Variants in LYRM4 observed in about 807,000 individuals in gnomAD.
The protein encoded by LYRM4 is LYR motif containing 4.
LYRM4 carries 9 observed loss-of-function variants against 11.7 expected under a neutral mutation model. The ratio of observed to expected loss-of-function variants is 0.77; its 90% CI spans 0.46 to 1.34. The LOEUF is 1.34. Among genes scored for constraint, LYRM4 ranks in the 40% most tolerant of loss-of-function variants. The pLI is 0.00. For missense variants in LYRM4, 133 were observed against 112.5 expected, an observed-to-expected ratio of 1.18 and a Z score of -0.82; for synonymous variants, 42 against 40.4, an observed-to-expected ratio of 1.04 and a Z score of -0.15.
At chr6:5,139,336 G>T (rs1419098424) in intron 2 of LYRM4, among the ~76,000 whole-genome samples, 1 of 152,172 alleles carries the variant, frequency 6.6e-6, no homozygotes, top group Non-Finnish European at 1.5e-5. Context: ...CAACGAAGGC[G>T]CAGGCTTCAT....
At chr6:5,154,786 T>A (rs541734098) in intron 2 of LYRM4, among the ~76,000 whole-genome samples, 2 of 151,666 alleles carry the variant, frequency 1.3e-5, no homozygotes, top group African/African-American at 4.8e-5. Context: ...GCCACTGCAC[T>A]CCAGCCTGGG....
chr6:5,186,587 A>G (rs1760406973), intron 2 of LYRM4: 1 of 977,948 alleles, frequency 1.0e-6, no homozygotes, highest in Admixed American at 6.1e-5. Flanking sequence ...AAAATCTACA[A>G]AAGCACCAGA....
At chr6:5,062,541 C>A in the LYRM4 span, among the ~76,000 whole-genome samples, 34 of 152,156 alleles carry the variant, frequency 2.2e-4, 1 homozygote, top group South Asian at 8.3e-4. Flanking sequence ...TTAATTCACC[C>A]TTCCCTTTTA....
chr6:5,050,210 T>G, the LYRM4 span, among the ~76,000 whole-genome samples: 3 of 152,220 alleles, frequency 2.0e-5, no homozygotes, highest in African/African-American at 7.2e-5. Flanking sequence ...GGTGGTAAAT[T>G]GTGGTTGATT....
intron 1 of LYRM4, among the ~76,000 whole-genome samples, chr6:5,252,623 A>G (rs1399563747): frequency 6.6e-6 from 1 of 152,124 alleles, no homozygotes; most frequent in Non-Finnish European, 1.5e-5. Flanking sequence ...TTCACTAGAG[A>G]TGCTAGAATA....
the LYRM4 span, chr6:5,066,076 G>C: frequency 2.4e-6 from 1 of 412,502 alleles, no homozygotes; most frequent in Non-Finnish European, 4.6e-6. Flanking sequence ...ATTTCCATGA[G>C]GAGTCATTCG....
downstream of LYRM4, among the ~76,000 whole-genome samples, chr6:5,099,901 G>A (rs1207105672): frequency 6.6e-6 from 1 of 152,198 alleles, no homozygotes; most frequent in Non-Finnish European, 1.5e-5. This position sits in a 1 kb window ranked among gnomAD's most constrained non-coding sequence, Gnocchi z 4.3. Flanking sequence ...ACACAGAGAA[G>A]ACAGCGTATC....
At chr6:5,085,756 C>T in the LYRM4 span, 128 of 1,537,238 alleles carry the variant, frequency 8.3e-5, no homozygotes, top group Non-Finnish European at 1.0e-4. Context: ...GCCCGCCGAC[C>T]CCATCTTGCA....
chr6:5,089,482 A>G, the LYRM4 span: 1 of 152,240 alleles, frequency 6.6e-6, no homozygotes, highest in East Asian at 1.9e-4. Flanking sequence ...TAATGATTCA[A>G]ACAGAGATCT....
chr6:5,182,739 C>T (rs1283620968), intron 2 of LYRM4, among the ~76,000 whole-genome samples: 2 of 152,276 alleles, frequency 1.3e-5, no homozygotes, highest in Middle Eastern at 3.4e-3. Context: ...CTTTAATCAG[C>T]CATGAGAGAG....
At chr6:5,198,838 A>G (rs1761221200) in intron 2 of LYRM4, among the ~76,000 whole-genome samples, 1 of 152,222 alleles carries the variant, frequency 6.6e-6, no homozygotes, top group East Asian at 1.9e-4. Flanking sequence ...TGTTTCATGT[A>G]TAAAAGGTAT....
intron 2 of LYRM4, among the ~76,000 whole-genome samples, chr6:5,124,216 G>C (rs1022420297): frequency 6.6e-6 from 1 of 152,124 alleles, no homozygotes; most frequent in East Asian, 1.9e-4. Context: ...AGAGGGAAAA[G>C]AACCCACTTG....
At chr6:5,064,542 A>AT in the LYRM4 span, among the ~76,000 whole-genome samples, 1 of 152,122 alleles carries the variant, frequency 6.6e-6, no homozygotes, top group Non-Finnish European at 1.5e-5. Flanking sequence ...TGTATCATAT[A>AT]TTTTTTAAAT....
intron 2 of LYRM4, among the ~76,000 whole-genome samples, chr6:5,174,171 A>C (rs990225971): frequency 2.0e-5 from 3 of 151,460 alleles, no homozygotes; most frequent in African/African-American, 7.3e-5. Flanking sequence ...GTTTTTTTTT[A>C]AGTTAGGGCA....
chr6:5,186,829 C>G (rs1166148519), intron 2 of LYRM4: 2 of 561,840 alleles, frequency 3.6e-6, no homozygotes, highest in Non-Finnish European at 5.7e-6. Flanking sequence ...ACTAAGAATA[C>G]AAAAATTAGC....
chr6:5,138,561 T>A, intron 2 of LYRM4: 2 of 291,940 alleles, frequency 6.9e-6, no homozygotes, highest in Non-Finnish European at 1.1e-5. Context: ...CAGTAGCCAG[T>A]AAGAATAATG....
At chr6:5,143,134 C>T (rs973410197) in intron 2 of LYRM4, among the ~76,000 whole-genome samples, 4 of 152,160 alleles carry the variant, frequency 2.6e-5, no homozygotes, top group Admixed American at 6.6e-5. Context: ...GGGGTGATCC[C>T]GATAAGTGAC....
At chr6:5,069,996 G>T in the LYRM4 span, among the ~76,000 whole-genome samples, 2 of 152,210 alleles carry the variant, frequency 1.3e-5, no homozygotes, top group Non-Finnish European at 2.9e-5. Flanking sequence ...AGAAATTACT[G>T]TGCACCAGCA....
intron 2 of LYRM4, among the ~76,000 whole-genome samples, chr6:5,147,855 T>A (rs750476059): frequency 1.4e-4 from 21 of 152,296 alleles, no homozygotes; most frequent in South Asian, 4.1e-4. Context: ...TGGTACTTAT[T>A]AAGCCAAATT....
Sources: allele counts gnomAD v4.1 joint callset (sites outside exome capture counted in the v4.1 genomes callset), GRCh38; gene constraint gnomAD v4.1.1; non-coding constraint Gnocchi (gnomAD v3.1); transcripts MANE v1.5; gene names NCBI Gene and HGNC (gene_info 2026-07-23, HGNC 2026-07-21).